The following SPTBN1 variants were observed in gnomAD, a reference collection of about 807,000 sequenced individuals.
SPTBN1 encodes spectrin beta, non-erythrocytic 1.
A neutral mutation model predicts 266.4 loss-of-function variants in SPTBN1; 32 were observed. That is an observed-to-expected ratio of 0.12 (90% CI 0.09 to 0.16). SPTBN1 has a LOEUF of 0.16. SPTBN1 is among the 10% of genes least tolerant of loss of function. The pLI, the probability that SPTBN1 is intolerant of heterozygous loss-of-function variation, is 1.00. For missense variants in SPTBN1, 2,296 were observed against 3,067.1 expected (o/e 0.75, Z 5.94); for synonymous variants, 1,336 against 1,162.2 (o/e 1.15, Z -3.04).
intron 1 of SPTBN1, among the ~76,000 whole-genome samples, chr2:54,513,127 A>C (rs1456467967): frequency 6.6e-6 from 1 of 152,178 alleles, no homozygotes; most frequent in Non-Finnish European, 1.5e-5. Context: ...GTGAGCCAAC[A>C]CTGCACCACT....
intron 34 of SPTBN1, among the ~76,000 whole-genome samples, chr2:54,666,313 ATTGAAG>A (rs1345869010): frequency 1.3e-5 from 2 of 152,336 alleles, no homozygotes; most frequent in African/African-American, 4.8e-5. Context: ...ACATCTGAGC[ATTGAAG>A]GATAAGGAGC....
At chr2:54,589,619 G>A (rs1675534881) in intron 2 of SPTBN1, among the ~76,000 whole-genome samples, 1 of 152,194 alleles carries the variant, frequency 6.6e-6, no homozygotes, top group South Asian at 2.1e-4. Context: ...GGAAACTATT[G>A]TAACTCAAAT....
At chr2:54,471,800 ATTTTTTTT>A (rs56043354) in intron 1 of SPTBN1, among the ~76,000 whole-genome samples, 1 of 102,718 alleles carries the variant, frequency 9.7e-6, no homozygotes, top group East Asian at 3.3e-4. Context: ...TTTTTTATCG[ATTTTTTTT>A]TTTTTTTTTT....
At chr2:54,473,056 G>C (rs1285727046) in intron 1 of SPTBN1, among the ~76,000 whole-genome samples, 1 of 152,166 alleles carries the variant, frequency 6.6e-6, no homozygotes, top group Non-Finnish European at 1.5e-5. Context: ...AGCGTATCCT[G>C]AAAATGGCTT....
At chr2:54,593,710 C>T (rs534560824) in intron 2 of SPTBN1, among the ~76,000 whole-genome samples, 2 of 151,978 alleles carry the variant, frequency 1.3e-5, no homozygotes, top group South Asian at 4.2e-4. Context: ...GAGACACCAT[C>T]CCAACAGATG....
chr2:54,497,797 A>G (rs544305414), intron 1 of SPTBN1, among the ~76,000 whole-genome samples: 9 of 152,340 alleles, frequency 5.9e-5, no homozygotes, highest in African/African-American at 2.2e-4. Context: ...TATTTTGGGA[A>G]CTGAATTTTG....
Position 54,629,076 on chromosome 2 carries a change from G to A in SPTBN1, c.1942G>A (p.Ala648Thr). 4 of 1,613,862 alleles carry A rather than the reference G, an allele frequency of 2.5e-6. No homozygotes were observed. Among genetic ancestry groups the A allele is most frequent in the Non-Finnish European group, 3.4e-6 (4 of 1,179,988 alleles). ...RRLWKFFWEM[A>T]EEEGWIREKE... ...CCTCTGGAAGTTCTTCTGGGAGATG[G>A]CAGAAGAGGAAGGCTGGATACGGGA... The change falls in exon 14 of 36, where the codon GCA becomes ACA. Residue 648 changes from alanine to threonine, a missense_variant. Around this residue, in one of 12 missense-constraint regions of SPTBN1, gnomAD observed 434 missense variants for 573.9 expected, o/e 0.76. Transcript: ENST00000356805.
Position 54,645,247 on chromosome 2 carries a change from G to A in SPTBN1, c.4288G>A (p.Glu1430Lys). The change falls in exon 21 of 36, where the codon GAA (glutamate) becomes AAA (lysine). Residue 1430 changes from glutamate to lysine, a missense_variant. Transcript: ENST00000356805. This position sits in a 1 kb window ranked among gnomAD's most constrained non-coding sequence, Gnocchi z 4.3. Reference protein sequence around the residue: ...KKQQMLENQMEVRKKEIEELQ... With the variant: ...KKQQMLENQMKVRKKEIEELQ... ...CCCTCAGATGCTGGAGAATCAGATG[G>A]AAGTGCGGAAGAAGGAGATCGAAGA... is the stretch of plus-strand genomic sequence containing the variant. 1 of 1,614,188 alleles carries A rather than the reference G, an allele frequency of 6.2e-7. No individual in the cohort carries two copies. The highest frequency in any genetic ancestry group is 8.5e-7 in the Non-Finnish European group (1 of 1,180,030).
At chr2:54,624,684 T>C in intron 10 of SPTBN1, 120 bp from the exon 11 acceptor site, 3 of 1,405,998 alleles carry the variant, frequency 2.1e-6, no homozygotes, top group Non-Finnish European at 2.9e-6. Flanking sequence ...GGGAATGGGA[T>C]TTCCCATTCA....
In SPTBN1 at chr2:54,612,638, A is replaced by G. The variant is rs143835324; in HGVS notation, c.474+304A>G. Among the ~76,000 whole-genome samples, 514 of 152,262 alleles carry G rather than the reference A, an allele frequency of 3.4e-3. 2 individuals carry two copies. The highest frequency in any genetic ancestry group is 0.027 in the Middle Eastern group (8 of 294). On this transcript the variant is annotated intron_variant, in intron 4 of 35. Coordinates refer to ENST00000356805, the MANE Select transcript of SPTBN1 (RefSeq NM_003128.3). ...CCGCCACTTTGCTGGCACCTGCTCT[A>G]AACATCTGGTCTCTGCTGCTTGGCT...
At chr2:54,477,080 A>G (rs1667871267) in intron 1 of SPTBN1, among the ~76,000 whole-genome samples, 1 of 151,970 alleles carries the variant, frequency 6.6e-6, no homozygotes, top group Non-Finnish European at 1.5e-5. Flanking sequence ...CAAGTTTTCT[A>G]GAAGTTTTGA....
intron 2 of SPTBN1, chr2:54,557,961 G>C (rs1416879312): frequency 2.0e-6 from 2 of 984,952 alleles, no homozygotes; most frequent in Non-Finnish European, 2.4e-6. Context: ...CCCAGGTGCG[G>C]GCCGCGTTAC....
intron 2 of SPTBN1, among the ~76,000 whole-genome samples, chr2:54,555,953 C>A (rs1268670712): frequency 6.6e-6 from 1 of 152,242 alleles, no homozygotes; most frequent in Non-Finnish European, 1.5e-5. Flanking sequence ...GCTGTCCTCC[C>A]CTGGCCCTTA....
chr2:54,480,074 G>C (rs1668023691), intron 1 of SPTBN1, among the ~76,000 whole-genome samples: 1 of 152,150 alleles, frequency 6.6e-6, no homozygotes, highest in Admixed American at 6.5e-5. Flanking sequence ...GGCTCAGAAA[G>C]TAAAATTGAC....
chr2:54,522,706 A>AG (rs1670552055), intron 1 of SPTBN1, among the ~76,000 whole-genome samples: 1 of 147,622 alleles, frequency 6.8e-6, no homozygotes, highest in African/African-American at 2.6e-5. Flanking sequence ...AGAGAAAGAA[A>AG]GAAAGGAAAG....
At chr2:54,634,758 T>G (rs1402684604) in intron 17 of SPTBN1, among the ~76,000 whole-genome samples, 1 of 152,256 alleles carries the variant, frequency 6.6e-6, no homozygotes, top group Admixed American at 6.5e-5. Context: ...GTCATTATAA[T>G]GTGCTTACGT....
Position 54,669,362 on chromosome 2 carries a change from T to A in SPTBN1, c.*793T>A. 1 of 152,766 alleles carries A rather than the reference T, an allele frequency of 6.5e-6. No individual in the cohort carries two copies. 9.5% of individuals were successfully genotyped at this position (152,766 alleles called of 1,614,324 possible). A position where few individuals can be genotyped will look rare whatever the true frequency, so the allele number is the denominator to read the frequency against. Reference sequence around the variant, plus strand: ...TTGGTAAGTGTACAAGTGGTGGAACTGAAGCATTTACTGGACAAAGTAATG... The same window carrying A: ...TTGGTAAGTGTACAAGTGGTGGAACAGAAGCATTTACTGGACAAAGTAATG... On this transcript the variant is annotated 3_prime_UTR_variant, in exon 36 of 36. Coordinates refer to ENST00000356805, the MANE Select transcript of SPTBN1 (RefSeq NM_003128.3).
intron 1 of SPTBN1, among the ~76,000 whole-genome samples, chr2:54,489,150 T>G (rs1668559009): frequency 1.1e-5 from 1 of 91,692 alleles, no homozygotes; most frequent in African/African-American, 4.0e-5. Flanking sequence ...TGGTCTGTAT[T>G]TAAAAAAAAA....
At chr2:54,484,289 A>G (rs1668239522) in intron 1 of SPTBN1, among the ~76,000 whole-genome samples, 1 of 152,116 alleles carries the variant, frequency 6.6e-6, no homozygotes, top group Non-Finnish European at 1.5e-5. Context: ...TAGGACTTTT[A>G]TATGCTTGGG....
Sources: allele counts gnomAD v4.1 joint callset (sites outside exome capture counted in the v4.1 genomes callset), GRCh38; gene constraint gnomAD v4.1.1; regional missense constraint gnomAD v4.1.1; non-coding constraint Gnocchi (gnomAD v3.1); transcripts MANE v1.5; gene names NCBI Gene and HGNC (gene_info 2026-07-23, HGNC 2026-07-21).